TMTC3: variants seen among roughly 807,000 people sequenced by gnomAD.
TMTC3 encodes transmembrane O-mannosyltransferase targeting cadherins 3.
In TMTC3, 52 loss-of-function variants were observed where a neutral mutation model predicts 92.2. That is an observed-to-expected ratio of 0.56 (90% CI 0.45 to 0.71). The LOEUF is 0.71. TMTC3 is among the 30% of genes least tolerant of loss of function. The pLI is 0.00. For missense variants in TMTC3, 896 were observed against 1,057.1 expected, an observed-to-expected ratio of 0.85 and a Z score of 2.11; for synonymous variants, 339 against 363.3, an observed-to-expected ratio of 0.93 and a Z score of 0.76.
intron 7 of TMTC3, 114 bp from the exon 8 acceptor site, chr12:88,172,483 G>T: frequency 3.9e-6 from 2 of 511,922 alleles, no homozygotes; most frequent in Non-Finnish European, 2.8e-6. Flanking sequence ...ACACTATCCA[G>T]GTTAAATGAT....
chr12:88,167,746 G>A (rs2041161910), intron 7 of TMTC3, among the ~76,000 whole-genome samples: 1 of 152,142 alleles, frequency 6.6e-6, no homozygotes, highest in South Asian at 2.1e-4. Flanking sequence ...TGTTGAGTTT[G>A]CATTACTGTT....
rs749844254 is a variant in TMTC3, at chr12:88,148,490, A to C, written c.175A>C (p.Thr59Pro). 3 of 1,607,548 alleles carry C rather than the reference A, an allele frequency of 1.9e-6. No individual in the cohort carries two copies. The highest frequency in any genetic ancestry group is 2.5e-6 in the Non-Finnish European group (3 of 1,176,652). The part of the protein sequence containing the change: ...KTLFQNDFWG[T>P]PMSEERSHKS... The stretch of plus-strand genomic sequence containing the variant: ...TTTATTTCAAAATGACTTCTGGGGA[A>C]CCCCTATGTCTGAGGTAAGTAATTA... The change falls in exon 2 of 14, where the codon ACC (threonine) becomes CCC (proline). Residue 59 changes from threonine (T) to proline (P), a missense_variant. By Grantham distance (38) the Thr-to-Pro change is conservative (BLOSUM62 -1). Coordinates refer to ENST00000266712, the MANE Select transcript of TMTC3 (RefSeq NM_181783.4).
At chr12:88,177,875 C>G (rs963527817) in intron 10 of TMTC3, among the ~76,000 whole-genome samples, 1 of 152,064 alleles carries the variant, frequency 6.6e-6, no homozygotes, top group Non-Finnish European at 1.5e-5. Flanking sequence ...TCATCAAGAC[C>G]ACAGTATTCA....
intron 13 of TMTC3, 87 bp from the exon 14 acceptor site, chr12:88,194,751 T>G: frequency 1.1e-6 from 1 of 905,330 alleles, no homozygotes; most frequent in Non-Finnish European, 1.5e-6. Context: ...GCTGTCTTTT[T>G]GTAATCTAAG....
At chr12:88,171,927 T>C (rs1296480541) in intron 7 of TMTC3, among the ~76,000 whole-genome samples, 2 of 152,146 alleles carry the variant, frequency 1.3e-5, no homozygotes, top group Admixed American at 6.6e-5. Flanking sequence ...ATTGTGGTTT[T>C]AATTTTCACT....
intron 9 of TMTC3, 25 bp from the exon 10 acceptor site, chr12:88,176,181 CTT>C (rs1431141749): frequency 6.8e-7 from 1 of 1,475,766 alleles, no homozygotes; most frequent in Non-Finnish European, 9.3e-7. Context: ...TTAATTGTAA[CTT>C]TTTCTATCTG....
intron 8 of TMTC3, among the ~76,000 whole-genome samples, chr12:88,173,689 T>C (rs962025873): frequency 6.6e-6 from 1 of 152,110 alleles, no homozygotes; most frequent in Non-Finnish European, 1.5e-5. Flanking sequence ...CCTGTTCTCT[T>C]AGCTTTTACC....
intron 11 of TMTC3, 29 bp downstream of exon 11, chr12:88,188,975 C>G (rs1327188141): frequency 1.2e-5 from 15 of 1,231,348 alleles, no homozygotes; most frequent in Non-Finnish European, 1.8e-5. Flanking sequence ...TCTATTGTGT[C>G]ATATCTATTA....
intron 10 of TMTC3, among the ~76,000 whole-genome samples, chr12:88,186,706 A>G (rs140242388): frequency 6.6e-6 from 1 of 152,250 alleles, no homozygotes; most frequent in East Asian, 1.9e-4. Flanking sequence ...CTTAAAAGTG[A>G]TACTATTTTA....
chr12:88,156,941 CAG>C (rs2041019624), intron 4 of TMTC3, among the ~76,000 whole-genome samples: 1 of 151,152 alleles, frequency 6.6e-6, no homozygotes, highest in African/African-American at 2.4e-5. Context: ...GAAACAAAAA[CAG>C]AGTAATGTTG....
chr12:88,168,348 CTT>C (rs1213196906), intron 7 of TMTC3, among the ~76,000 whole-genome samples: 2 of 146,190 alleles, frequency 1.4e-5, no homozygotes, highest in South Asian at 2.3e-4. Context: ...AATAATTTAA[CTT>C]TGACTGTTTC....
Position 88,183,813 on chromosome 12 carries a change from G to C in TMTC3, c.1433-5030G>C, listed in dbSNP as rs115929613. Among the ~76,000 whole-genome samples the C allele has an allele frequency of 7.8e-3, 1,186 of 152,196 alleles. 11 individuals are homozygous for C. The highest frequency in any genetic ancestry group is 0.027 in the African/African-American group (1,129 of 41,506). On this transcript the variant is annotated intron_variant, in intron 10 of 13. Coordinates refer to ENST00000266712, the MANE Select transcript of TMTC3 (RefSeq NM_181783.4). ...CATTATGTCCCTTAATTGAGCCTGC[G>C]AAACTGGGGCTCCACTAGCTTTAAG...
intron 6 of TMTC3, among the ~76,000 whole-genome samples, chr12:88,164,675 C>T (rs2041122834): frequency 6.6e-6 from 1 of 152,058 alleles, no homozygotes; most frequent in African/African-American, 2.4e-5. Flanking sequence ...ATACTATTTC[C>T]CTGTTCAATT....
At chr12:88,179,463 T>C (rs1232016608) in intron 10 of TMTC3, among the ~76,000 whole-genome samples, 1 of 152,198 alleles carries the variant, frequency 6.6e-6, no homozygotes, top group African/African-American at 2.4e-5. Flanking sequence ...TTATGTTAAA[T>C]ACTGGTTATA....
intron 7 of TMTC3, 71 bp downstream of exon 7, chr12:88,166,653 CAGCAAA>C (rs2041146987): frequency 6.8e-7 from 1 of 1,470,704 alleles, no homozygotes. Context: ...ACCTTTAATT[CAGCAAA>C]AGCATCTTTT....
intron 7 of TMTC3, among the ~76,000 whole-genome samples, chr12:88,169,407 T>G (rs548896120): frequency 6.6e-6 from 1 of 152,158 alleles, no homozygotes; most frequent in Non-Finnish European, 1.5e-5. Flanking sequence ...GTATGTAATG[T>G]AAGCTGAATT....
rs1391681291 is a variant in TMTC3, at chr12:88,197,569, G to C, written c.*1920G>C. On this transcript the variant is annotated 3_prime_UTR_variant, in exon 14 of 14. Transcript: ENST00000266712. ...GAAAAGTTAATAGGAAATCTTTTGT[G>C]ACAGCAGACTATAATAGAAGTTTGA... 6.6e-6 allele frequency: 1 copy of C among 152,092 alleles called. No homozygotes were observed. The allele number at this position is 152,092 out of a possible 1,614,324, so 9.4% of individuals were successfully genotyped here. A position where few individuals can be genotyped will look rare whatever the true frequency, so the allele number is the denominator to read the frequency against.
chr12:88,198,508 T>G lies in TMTC3; in HGVS notation c.*2859T>G. On this transcript the variant is annotated 3_prime_UTR_variant, in exon 14 of 14. Coordinates refer to ENST00000266712, the MANE Select transcript of TMTC3 (RefSeq NM_181783.4). ...GAATTGCACCTACATGTTTTCTTAT[T>G]AACATTCAGAATTGGGAATATTAAT... is the stretch of plus-strand genomic sequence containing the variant. 5.0e-6 allele frequency: 2 copies of G among 397,496 alleles called. No individual in the cohort carries two copies. Among genetic ancestry groups the G allele is most frequent in the Non-Finnish European group, 8.9e-6 (2 of 225,198 alleles). The allele number at this position is 397,496 out of a possible 1,614,324, so 24.6% of individuals were successfully genotyped here.
At position 88,196,327 on chromosome 12, in the gene TMTC3, C is replaced by T. The variant is rs1592755801; in HGVS notation, c.*678C>T. ...CTACATACACACATTTTTAATGGTG[C>T]TCATATATACTGTATTTTTTGTTGT... On this transcript the variant is annotated 3_prime_UTR_variant, in exon 14 of 14. Transcript: ENST00000266712. 6.6e-6 allele frequency: 1 copy of T among 152,244 alleles called. No individual in the cohort carries two copies. The highest frequency in any genetic ancestry group is 1.5e-5 in the Non-Finnish European group (1 of 67,854). 9.4% of individuals were successfully genotyped at this position (152,244 alleles called of 1,614,324 possible).
Sources: allele counts gnomAD v4.1 joint callset (sites outside exome capture counted in the v4.1 genomes callset), GRCh38; gene constraint gnomAD v4.1.1; transcripts MANE v1.5; gene names NCBI Gene and HGNC (gene_info 2026-07-23, HGNC 2026-07-21).